Variants in APBB1 observed in about 807,000 individuals in gnomAD.
APBB1 encodes the protein amyloid beta precursor protein binding family B member 1.
APBB1 carries 22 observed loss-of-function variants against 78.4 expected under a neutral mutation model. The ratio of observed to expected loss-of-function variants is 0.28; its 90% confidence interval spans 0.20 to 0.40. APBB1 has a LOEUF of 0.40. Among genes scored for constraint, APBB1 ranks in the 10% least tolerant of loss-of-function variants. The pLI is 1.00. For synonymous variants in APBB1, 369 were observed against 372.7 expected, an observed-to-expected ratio of 0.99 and a Z score of 0.12; for missense variants, 749 against 932.4, an observed-to-expected ratio of 0.80 and a Z score of 2.56.
rs1459750651 is a variant in APBB1, at chr11:6,403,128, G to A, written c.1104+17C>T. On this transcript the variant is annotated intron_variant, in intron 6 of 14. Transcript: ENST00000609360. This position sits in a 1 kb window ranked among gnomAD's most constrained non-coding sequence, Gnocchi z 5.3. ...AGAGGGCCCCAGACTCAGAATGGGTGTCAGTCTTGAACAAACCTTGATCCC... is the reference window on the plus strand; with the variant it reads ...AGAGGGCCCCAGACTCAGAATGGGTATCAGTCTTGAACAAACCTTGATCCC... 3 of 1,600,816 alleles carry A rather than the reference G, an allele frequency of 1.9e-6. No homozygotes were observed. Among genetic ancestry groups the A allele is most frequent in the Middle Eastern group, 1.7e-4 (1 of 6,000 alleles).
intron 2 of APBB1, chr11:6,404,971 G>A: frequency 1.4e-6 from 2 of 1,436,968 alleles, no homozygotes; most frequent in Non-Finnish European, 1.8e-6. Flanking sequence ...GCTTGCTAGG[G>A]AGGGGCCAGG....
In APBB1 at chr11:6,401,204, G is replaced by A. The variant is rs761865826; in HGVS notation, c.1589-132C>T. ...TCTCGTCCCCTGCCTCCCTTTAACC[G>A]GAGTCCCTCCACGTATTGGAGTATT... On this transcript the variant is annotated intron_variant, in intron 11 of 14. Coordinates refer to ENST00000609360, the MANE Select transcript of APBB1 (RefSeq NM_001164.5). This position sits in a 1 kb window ranked among gnomAD's most constrained non-coding sequence, Gnocchi z 4.5. 35 of 1,610,570 alleles carry A rather than the reference G, an allele frequency of 2.2e-5. No individual in the cohort carries two copies. The highest frequency in any genetic ancestry group is 1.0e-4 in the Admixed American group (6 of 59,524).
At chr11:6,404,034 CCT>C (rs2134079876) in intron 2 of APBB1, 3 of 472,594 alleles carry the variant, frequency 6.3e-6, no homozygotes, top group African/African-American at 3.9e-5. Context: ...CCTCCTGGGC[CCT>C]GTTGGTGGCT....
intron 1 of APBB1, among the ~76,000 whole-genome samples, chr11:6,417,954 AC>A (rs1476131992): frequency 6.6e-6 from 1 of 152,232 alleles, no homozygotes; most frequent in South Asian, 2.1e-4. Context: ...GAGCAGCTGG[AC>A]ATATGAGTCT....
chr11:6,405,351 G>A (rs1848756264), intron 2 of APBB1: 2 of 986,718 alleles, frequency 2.0e-6, no homozygotes, highest in Non-Finnish European at 2.4e-6. Flanking sequence ...TTGAGGCTGG[G>A]CTTGGGGCTT....
chr11:6,400,379 T>C (rs1225011998), intron 12 of APBB1, among the ~76,000 whole-genome samples: 5 of 151,984 alleles, frequency 3.3e-5, no homozygotes, highest in Non-Finnish European at 5.9e-5. Flanking sequence ...CCGTCTCCAC[T>C]AAACATACAA....
chr11:6,411,044 C>G lies in APBB1; in HGVS notation c.304G>C (p.Glu102Gln). 6.2e-7 allele frequency: 1 copy of G among 1,614,092 alleles called. No individual in the cohort carries two copies. Among genetic ancestry groups the G allele is most frequent in the Non-Finnish European group, 8.5e-7 (1 of 1,180,040 alleles). The change falls in exon 2 of 15, where the codon GAG becomes CAG. Residue 102 changes from glutamate (E) to glutamine (Q), a missense_variant. Physicochemically the swap from Glu to Gln is conservative, Grantham distance 29. Transcript: ENST00000609360. The surrounding 1 kb of genome is among the most constrained non-coding windows in gnomAD (Gnocchi z 5.2). ...GGGCCCAAGGGTGCCATCTCAGGCT[C>G]CTGGCTGGCCTCCTCCGCCAAGGTC... ...TLTLAEEASQ[E>Q]PEMAPLGPKG...
intron 12 of APBB1, among the ~76,000 whole-genome samples, chr11:6,397,685 C>G (rs1016467112): frequency 6.6e-6 from 1 of 152,232 alleles, no homozygotes; most frequent in African/African-American, 2.4e-5. Context: ...TCTGAGACAA[C>G]TCTTACCATA....
chr11:6,409,385 A>C (rs544371670), intron 2 of APBB1, among the ~76,000 whole-genome samples: 1 of 152,192 alleles, frequency 6.6e-6, no homozygotes, highest in African/African-American at 2.4e-5. Context: ...GTAAACATTT[A>C]TAGATAAAAG....
chr11:6,403,127 T>C lies in APBB1; in HGVS notation c.1104+18A>G, dbSNP rs1848619469. On this transcript the variant is annotated intron_variant, in intron 6 of 14. Coordinates refer to ENST00000609360, the MANE Select transcript of APBB1 (RefSeq NM_001164.5). The surrounding 1 kb of genome is among the most constrained non-coding windows in gnomAD (Gnocchi z 5.3). Reference sequence around the variant, plus strand: ...AAGAGGGCCCCAGACTCAGAATGGGTGTCAGTCTTGAACAAACCTTGATCC... The same window carrying C: ...AAGAGGGCCCCAGACTCAGAATGGGCGTCAGTCTTGAACAAACCTTGATCC... The C allele has an allele frequency of 6.3e-7, 1 of 1,599,336 alleles. No homozygotes were observed. Among genetic ancestry groups the C allele is most frequent in the Non-Finnish European group, 8.5e-7 (1 of 1,173,550 alleles).
In APBB1 at chr11:6,402,172, A is replaced by C; in HGVS notation, c.1292T>G (p.Leu431Arg). ...DLLLQLEDET[L>R]KLVEPQSQAL... is the part of the protein sequence containing the mutation. Reference sequence around the variant, plus strand: ...CTGGCTCTGTGGCTCCACTAGCTTTAGTGTCTCATCCTCCAGCTGCAGTAG... The same window carrying C: ...CTGGCTCTGTGGCTCCACTAGCTTTCGTGTCTCATCCTCCAGCTGCAGTAG... Residue 431 changes from leucine (L) to arginine (R), a missense_variant, in exon 8 of 15, where the codon CTA becomes CGA. Leu to Arg is a moderately radical substitution (Grantham distance 102). Coordinates refer to ENST00000609360, the MANE Select transcript of APBB1 (RefSeq NM_001164.5). 1 of 1,614,032 alleles carries C rather than the reference A, an allele frequency of 6.2e-7. No homozygotes were observed. The highest frequency in any genetic ancestry group is 8.5e-7 in the Non-Finnish European group (1 of 1,179,990).
At chr11:6,415,072 G>A (rs762317594) in intron 1 of APBB1, among the ~76,000 whole-genome samples, 7 of 152,186 alleles carry the variant, frequency 4.6e-5, no homozygotes, top group Non-Finnish European at 8.8e-5. Flanking sequence ...GCCTGAGGTG[G>A]TGTGGTCACC....
intron 2 of APBB1, chr11:6,405,593 C>T (rs76705985): frequency 1.3e-4 from 130 of 986,014 alleles, no homozygotes; most frequent in East Asian, 5.7e-4. Context: ...GGCGTGGTTA[C>T]GCCAAGGTGG....
chr11:6,401,495 C>T lies in APBB1; in HGVS notation c.1504-66G>A, dbSNP rs754111087. On this transcript the variant is annotated intron_variant, in intron 10 of 14. Coordinates refer to ENST00000609360, the MANE Select transcript of APBB1 (RefSeq NM_001164.5). This position sits in a 1 kb window ranked among gnomAD's most constrained non-coding sequence, Gnocchi z 4.5. The stretch of plus-strand genomic sequence containing the variant: ...TAGAGCCTCATTGCCCTGGGGCCCC[C>T]CTACAGCACTCAGTGACCCCACCCA... 9 of 1,612,670 alleles carry T rather than the reference C, an allele frequency of 5.6e-6. No individual in the cohort carries two copies. Among genetic ancestry groups the T allele is most frequent in the South Asian group, 1.1e-5 (1 of 91,004 alleles).
At chr11:6,397,197 C>T (rs1848277058) in intron 12 of APBB1, among the ~76,000 whole-genome samples, 1 of 152,240 alleles carries the variant, frequency 6.6e-6, no homozygotes, top group Non-Finnish European at 1.5e-5. Context: ...CTCTGTGGTC[C>T]ACTCCCAGGC....
intron 2 of APBB1, chr11:6,404,192 C>T (rs1037937630): frequency 1.6e-5 from 6 of 366,882 alleles, no homozygotes; most frequent in African/African-American, 8.1e-5. Flanking sequence ...CTCCTGCACA[C>T]GTACATGTAT....
At chr11:6,399,256 G>A (rs1208233879) in intron 12 of APBB1, among the ~76,000 whole-genome samples, 1 of 152,094 alleles carries the variant, frequency 6.6e-6, no homozygotes, top group Admixed American at 6.6e-5. Flanking sequence ...CTCCAGCCCA[G>A]ACCTCTCCTC....
Position 6,410,612 on chromosome 11 carries a change from A to G in APBB1, c.721+15T>C. ...CACACCCTCCCACATGCCCATGTCA[A>G]GCTCCACAAGGTACCTGTGTCCTCT... On this transcript the variant is annotated intron_variant, in intron 2 of 14. Coordinates refer to ENST00000609360, the MANE Select transcript of APBB1 (RefSeq NM_001164.5). 1 of 1,510,710 alleles carries G rather than the reference A, an allele frequency of 6.6e-7. No individual in the cohort carries two copies. 93.6% of individuals were successfully genotyped at this position (1,510,710 alleles called of 1,614,324 possible).
chr11:6,415,697 T>G (rs773749482), intron 1 of APBB1, among the ~76,000 whole-genome samples: 29 of 152,270 alleles, frequency 1.9e-4, no homozygotes, highest in Middle Eastern at 3.4e-3. Flanking sequence ...TCCAACTGGG[T>G]AACATCCTCA....
Sources: gnomAD v4.1 joint callset for allele counts (sites outside exome capture counted in the v4.1 genomes callset) on GRCh38, gnomAD v4.1.1 for gene constraint, Gnocchi (gnomAD v3.1) non-coding constraint, MANE v1.5 for transcripts, NCBI Gene and HGNC (gene_info 2026-07-23, HGNC 2026-07-21) for gene names.